ADCY7: variants seen among roughly 807,000 people sequenced by gnomAD.
ADCY7 encodes the protein adenylate cyclase type 7.
A neutral mutation model predicts 120.6 loss-of-function variants in ADCY7; 72 were observed. The ratio of observed to expected loss-of-function variants is 0.60; its 90% CI spans 0.49 to 0.73. The LOEUF (loss-of-function observed/expected upper bound fraction) is 0.73, where lower values mean the gene tolerates loss of function less well. Among genes scored for constraint, ADCY7 ranks in the 30% least tolerant of loss-of-function variants. The pLI, the probability that ADCY7 is intolerant of heterozygous loss-of-function variation, is 0.00. For synonymous variants in ADCY7, 661 were observed against 628.0 expected (o/e 1.05, Z -0.78); for missense variants, 1,227 against 1,486.0 (o/e 0.83, Z 2.87).
At chr16:50,278,933 G>A (rs1357538131) in intron 1 of ADCY7, among the ~76,000 whole-genome samples, 1 of 148,648 alleles carries the variant, frequency 6.7e-6, no homozygotes, top group Admixed American at 6.7e-5. Flanking sequence ...GTACAGTGGT[G>A]CAATCCCATC....
At position 50,311,806 on chromosome 16, in the gene ADCY7, C is replaced by G. The variant is rs777084641; in HGVS notation, c.2448+20C>G. 3.3e-3 allele frequency: 4,430 copies of G among 1,327,036 alleles called. 238 individuals carry two copies. The African/African-American group carries it at 0.055, about 16-fold the overall frequency. 82.2% of individuals were successfully genotyped at this position (1,327,036 alleles called of 1,614,324 possible). A position where few individuals can be genotyped will look rare whatever the true frequency, so the allele number is the denominator to read the frequency against. On this transcript the variant is annotated intron_variant, in intron 20 of 25. Transcript: ENST00000673801. ...AGACAGGTAAGGAGGCTGGCCCCCC[C>G]CCCCCCCCCAAGCTCTGCCCACTTT...
intron 1 of ADCY7, among the ~76,000 whole-genome samples, chr16:50,247,194 G>A (rs561130447): frequency 3.9e-5 from 6 of 152,342 alleles, no homozygotes; most frequent in Admixed American, 3.9e-4. Flanking sequence ...GCCTTCAAAC[G>A]TGGGCAGGTG....
At chr16:50,312,359 C>T (rs1187482526) in intron 21 of ADCY7, among the ~76,000 whole-genome samples, 168 bp downstream of exon 21, 2 of 152,138 alleles carry the variant, frequency 1.3e-5, no homozygotes, top group African/African-American at 4.8e-5. Flanking sequence ...AGAGCATGGG[C>T]CTGGGGTCAG....
intron 21 of ADCY7, 86 bp from the exon 22 acceptor site, chr16:50,312,804 C>T (rs995297128): frequency 3.9e-5 from 53 of 1,362,480 alleles, no homozygotes; most frequent in Non-Finnish European, 4.5e-5. Context: ...GGCAGTTCAG[C>T]AGTGCCATCT....
chr16:50,270,317 A>T (rs1051785618), intron 1 of ADCY7, among the ~76,000 whole-genome samples: 12 of 152,212 alleles, frequency 7.9e-5, no homozygotes, highest in Admixed American at 6.5e-4. Flanking sequence ...CCAGAGAAGC[A>T]GGGGTCTTCC....
chr16:50,280,346 A>G (rs1263700962), intron 1 of ADCY7, among the ~76,000 whole-genome samples: 1 of 144,584 alleles, frequency 6.9e-6, no homozygotes, highest in Non-Finnish European at 1.5e-5. Flanking sequence ...TTATTAGTTT[A>G]GCTAGTGGCC....
intron 25 of ADCY7, 102 bp from the exon 26 acceptor site, chr16:50,315,257 T>C (rs1282124889): frequency 4.5e-6 from 7 of 1,567,224 alleles, no homozygotes; most frequent in Non-Finnish European, 5.2e-6. Flanking sequence ...TATCACACTC[T>C]CCAGGGAAGG....
chr16:50,307,011 C>A (rs2036111017), intron 14 of ADCY7, 39 bp from the exon 15 acceptor site: 2 of 1,547,712 alleles, frequency 1.3e-6, no homozygotes, highest in African/African-American at 1.4e-5. Flanking sequence ...GCAAGTGGCA[C>A]TGCTGGTGGC....
chr16:50,295,210 A>G (rs539396369), intron 7 of ADCY7, among the ~76,000 whole-genome samples: 169 of 152,264 alleles, frequency 1.1e-3, no homozygotes, highest in Middle Eastern at 3.4e-3. Context: ...ATGGAGTCTC[A>G]TTCTGTCATG....
chr16:50,272,870 T>G (rs1023247938), intron 1 of ADCY7, among the ~76,000 whole-genome samples: 15 of 152,168 alleles, frequency 9.9e-5, no homozygotes, highest in Non-Finnish European at 7.4e-5. Context: ...CTGAAGGAGC[T>G]ATTTTAAGGG....
chr16:50,308,188 A>G (rs2036205505), intron 15 of ADCY7, 139 bp from the exon 16 acceptor site: 2 of 1,466,854 alleles, frequency 1.4e-6, no homozygotes, highest in Non-Finnish European at 1.9e-6. Context: ...GCTGGGCCAC[A>G]GTTTTCACAG....
intron 22 of ADCY7, chr16:50,313,753 C>T (rs769254124): frequency 9.8e-5 from 56 of 571,906 alleles, no homozygotes; most frequent in East Asian, 8.5e-4. Flanking sequence ...AGTGTGGGGA[C>T]GGAGACAACA....
chr16:50,309,583 T>C lies in ADCY7; in HGVS notation c.2097T>C (p.Val699=). The C allele has an allele frequency of 6.2e-7, 1 of 1,613,874 alleles. No homozygotes were observed. ...CTTTCCAAGTTCCAGAGCTGCCTGT[T>C]GGCAATGAGACAGGCCTACTGGCCG... ...LMPFQVPELP[V]GNETGLLAAS... is the part of the protein sequence containing the mutation. The change falls in exon 18 of 26, where the codon GTT becomes GTC. Residue 699 remains valine, a synonymous_variant. Transcript: ENST00000673801.
At chr16:50,251,740 A>G (rs1037608500) in intron 1 of ADCY7, among the ~76,000 whole-genome samples, 1 of 151,814 alleles carries the variant, frequency 6.6e-6, no homozygotes, top group South Asian at 2.1e-4. Flanking sequence ...CCCAGTCCCC[A>G]CCTAGCCAGC....
intron 1 of ADCY7, among the ~76,000 whole-genome samples, chr16:50,252,945 A>G (rs1174766081): frequency 2.0e-5 from 3 of 152,226 alleles, no homozygotes; most frequent in African/African-American, 7.2e-5. Context: ...TCTTTTTTCA[A>G]CATATTACAA....
chr16:50,271,177 C>T (rs9934026), intron 1 of ADCY7, among the ~76,000 whole-genome samples: 60,069 of 152,076 alleles, frequency 0.39, 12,314 homozygotes, highest in East Asian at 0.68. Flanking sequence ...GGGACCAGAG[C>T]TCCGTTCCTC....
At chr16:50,249,340 T>C (rs2032683330) in intron 1 of ADCY7, among the ~76,000 whole-genome samples, 10 of 152,132 alleles carry the variant, frequency 6.6e-5, no homozygotes, top group Admixed American at 6.5e-4. Flanking sequence ...CTTGGGAGGC[T>C]GAGGCATGAG....
chr16:50,314,437 G>GC lies in ADCY7; in HGVS notation c.2971+35dup, dbSNP rs1011111472. On this transcript the variant is annotated intron_variant, in intron 24 of 25. Coordinates refer to ENST00000673801, the MANE Select transcript of ADCY7 (RefSeq NM_001114.5). ...CCCGGGTGATGGAGCGGGGTGGGGA[G>GC]CCCCTGCCTCTAGGCCAGTCCACCC... 3.8e-6 allele frequency: 6 copies of GC among 1,564,912 alleles called. No individual in the cohort carries two copies. In the African/African-American group the frequency reaches 4.0e-5, roughly 11 times the overall value.
intron 20 of ADCY7, 61 bp from the exon 21 acceptor site, chr16:50,311,975 G>T: frequency 1.2e-6 from 2 of 1,602,740 alleles, no homozygotes; most frequent in Non-Finnish European, 1.7e-6. Context: ...GCTAGGAGAT[G>T]CACAGCAGCA....
Sources: gnomAD v4.1 joint callset for allele counts (sites outside exome capture counted in the v4.1 genomes callset) on GRCh38, gnomAD v4.1.1 for gene constraint, MANE v1.5 for transcripts, NCBI Gene and HGNC (gene_info 2026-07-23, HGNC 2026-07-21) for gene names.